Variants in MYLK observed in about 807,000 individuals in gnomAD.
The protein encoded by MYLK is myosin light chain kinase.
Under a neutral mutation model 203.4 loss-of-function variants are expected in MYLK, and 106 were observed. The ratio of observed to expected loss-of-function variants is 0.52; its 90% confidence interval spans 0.45 to 0.61. MYLK has a LOEUF of 0.61. MYLK is among the 20% of genes least tolerant of loss of function. MYLK has a pLI of 0.00. For synonymous variants in MYLK, 867 were observed against 959.5 expected, an observed-to-expected ratio of 0.90 and a Z score of 1.78; for missense variants, 2,072 against 2,442.3, an observed-to-expected ratio of 0.85 and a Z score of 3.20.
chr3:123,793,859 G>A lies in MYLK; in HGVS notation c.-3-15C>T, dbSNP rs774980854. 6.8e-6 allele frequency: 11 copies of A among 1,613,970 alleles called. No individual in the cohort carries two copies. In the Admixed American group the frequency reaches 1.5e-4, roughly 22 times the overall value. The stretch of plus-strand genomic sequence containing the variant: ...TCCCCCATGGTCTGCAAAAAGGAAG[G>A]AAGAGGACAAGGTCAGATCAGACAA... On this transcript the variant is annotated splice_polypyrimidine_tract_variant and intron_variant, in intron 3 of 33. Transcript: ENST00000360304.
At chr3:123,715,824 T>C (rs1264899280) in intron 13 of MYLK, 3 of 152,200 alleles carry the variant, frequency 2.0e-5, no homozygotes, top group Non-Finnish European at 2.9e-5. Flanking sequence ...AAATTCTGAA[T>C]TTCTCCTTAT....
chr3:123,709,698 C>A (rs2061613770), intron 14 of MYLK, 58 bp downstream of exon 14: 1 of 1,607,036 alleles, frequency 6.2e-7, no homozygotes, highest in East Asian at 2.2e-5. Flanking sequence ...AGAGCAATAC[C>A]CATTGCAACC....
chr3:123,649,010 T>C lies in MYLK; in HGVS notation c.4376A>G (p.Lys1459Arg). The change falls in exon 26 of 34, where the codon AAA becomes AGA. Residue 1459 changes from lysine to arginine, a missense_variant. Lys to Arg is a conservative substitution (Grantham distance 26, BLOSUM62 2). Transcript: ENST00000360304. Reference sequence around the variant, plus strand: ...CTCAATGTCGTAGAAGTCAGATACTTTTTGTTCAGTATTGATTGTCACTGT... The same window carrying C: ...CTCAATGTCGTAGAAGTCAGATACTCTTTGTTCAGTATTGATTGTCACTGT... The part of the protein sequence containing the change: ...YRTVTINTEQ[K>R]VSDFYDIEER... 6.2e-7 allele frequency: 1 copy of C among 1,614,140 alleles called. No individual in the cohort carries two copies. The highest frequency in any genetic ancestry group is 8.5e-7 in the Non-Finnish European group (1 of 1,180,016).
Position 123,733,046 on chromosome 3 carries a change from T to TC in MYLK, c.1365dup (p.Arg456GlufsTer7), listed in dbSNP as rs747824819. 6.2e-7 allele frequency: 1 copy of TC among 1,614,090 alleles called. No individual in the cohort carries two copies. The highest frequency in any genetic ancestry group is 2.2e-5 in the East Asian group (1 of 44,860). ...TAAACCTCAATGCTGCCTTCCTGTC[T>TC]CCTCACGGGGGTGCCTTCCAGGAAC... On this transcript the variant is annotated frameshift_variant, in exon 11 of 34. Transcript: ENST00000360304. LOFTEE classifies it high-confidence loss of function.
chr3:123,642,431 A>G lies in MYLK; in HGVS notation c.4620-1927T>C, dbSNP rs377269698. 4.6e-5 allele frequency among the ~76,000 whole-genome samples: 7 copies of G among 152,340 alleles called. No individual in the cohort carries two copies. The highest frequency in any genetic ancestry group is 1.7e-4 in the African/African-American group (7 of 41,580). On this transcript the variant is annotated intron_variant, in intron 27 of 33. Coordinates refer to ENST00000360304, the MANE Select transcript of MYLK (RefSeq NM_053025.4). This position sits in a 1 kb window ranked among gnomAD's most constrained non-coding sequence, Gnocchi z 4.2. ...TCACTGACCCCTGCAGGAGAGAGAC[A>G]GGGATGCACTGTGGGGCCCAGCATA...
At chr3:123,861,501 G>A (rs1039442988) in intron 2 of MYLK, among the ~76,000 whole-genome samples, 1 of 152,254 alleles carries the variant, frequency 6.6e-6, no homozygotes, top group African/African-American at 2.4e-5. Context: ...TGTTGGAAGG[G>A]AGAAGGTACT....
rs2061563506 is a variant in MYLK at position 123,708,775 on chromosome 3, T to C, written c.2063A>G (p.Glu688Gly). 6.2e-7 allele frequency: 1 copy of C among 1,614,042 alleles called. No homozygotes were observed. The highest frequency in any genetic ancestry group is 1.3e-5 in the African/African-American group (1 of 74,910). ...CTCGCAGGTGTACGTGCCCGTGTCC[T>C]CCGGGAACACTTCCTGGATACAAAG... ...HSLCIQEVFP[E>G]DTGTYTCEAW... The change falls in exon 15 of 34, where the codon GAG becomes GGG. Residue 688 changes from glutamate to glycine, a missense_variant. Coordinates refer to ENST00000360304, the MANE Select transcript of MYLK (RefSeq NM_053025.4).
At chr3:123,857,863 G>A (rs962772094) in intron 2 of MYLK, among the ~76,000 whole-genome samples, 4 of 152,130 alleles carry the variant, frequency 2.6e-5, no homozygotes, top group African/African-American at 9.7e-5. Context: ...CCCTAACTAA[G>A]TTTTCAATCC....
Position 123,848,586 on chromosome 3 carries a change from T to G in MYLK, c.-126-16916A>C, listed in dbSNP as rs74465515. ...AATGACACAGTTCTAACCAATGACA[T>G]ATAAGTGAAAGTTATTACATAGGGC... On this transcript the variant is annotated intron_variant, in intron 2 of 33. Transcript: ENST00000360304. Among the ~76,000 whole-genome samples the G allele has an allele frequency of 3.7e-3, 564 of 152,278 alleles. 4 individuals carry two copies. Among genetic ancestry groups the G allele is most frequent in the South Asian group, 0.011 (54 of 4,830 alleles).
rs1576579710 is a variant in MYLK, at chr3:123,692,580, CA to C, written c.3565+154del. Among the ~76,000 whole-genome samples the C allele has an allele frequency of 2.0e-5, 3 of 152,236 alleles. No individual in the cohort carries two copies. In the East Asian group the frequency reaches 5.8e-4, roughly 29 times the overall value. ...TCCTTCCTGTCTCTTTTTCTTTTGG[CA>C]AAAGATATTCATTCATCCAAAATGA... On this transcript the variant is annotated intron_variant, in intron 19 of 33. Transcript: ENST00000360304.
chr3:123,760,987 T>A (rs2063516260), intron 4 of MYLK, among the ~76,000 whole-genome samples: 1 of 152,214 alleles, frequency 6.6e-6, no homozygotes, highest in Admixed American at 6.5e-5. Context: ...CCTCACTGAC[T>A]AATGCAGCCC....
rs1223751623 is a variant in MYLK at position 123,666,284 on chromosome 3, C to T, written c.3766G>A (p.Glu1256Lys). 6 of 1,614,230 alleles carry T rather than the reference C, an allele frequency of 3.7e-6. No individual in the cohort carries two copies. Among genetic ancestry groups the T allele is most frequent in the Non-Finnish European group, 5.1e-6 (6 of 1,180,048 alleles). ...DQKVRAGESV[E>K]LFGKVTGTQP... is the part of the protein sequence containing the mutation. ...GTGCCTGTCACTTTGCCAAACAGCT[C>T]CACTGACTCTCCTGCGCGTACCTTC... The change falls in exon 22 of 34, where the codon GAG (glutamate) becomes AAG (lysine). Residue 1256 changes from glutamate (E) to lysine (K), a missense_variant. Physicochemically the swap from Glu to Lys is moderately conservative, Grantham distance 56. Coordinates refer to ENST00000360304, the MANE Select transcript of MYLK (RefSeq NM_053025.4).
At chr3:123,624,189 G>A (rs1423184230) in intron 31 of MYLK, 1 of 152,094 alleles carries the variant, frequency 6.6e-6, no homozygotes. Flanking sequence ...AGCCGGTCTG[G>A]TGGCATATGC....
Position 123,676,056 on chromosome 3 carries a change from C to T in MYLK, c.3652+6168G>A, listed in dbSNP as rs539405389. Reference sequence around the variant, plus strand: ...CCCAAACCCCCAGGACACAGAGCATCAGGATGGTTGTGAAAGAGGTGTGCT... The same window carrying T: ...CCCAAACCCCCAGGACACAGAGCATTAGGATGGTTGTGAAAGAGGTGTGCT... On this transcript the variant is annotated intron_variant, in intron 20 of 33. Coordinates refer to ENST00000360304, the MANE Select transcript of MYLK (RefSeq NM_053025.4). Among the ~76,000 whole-genome samples, 59 of 152,360 alleles carry T rather than the reference C, an allele frequency of 3.9e-4. 1 individual carries two copies. The South Asian group carries it at 7.5e-3, about 19-fold the overall frequency.
chr3:123,823,240 T>C (rs1577070246), intron 3 of MYLK, among the ~76,000 whole-genome samples: 2 of 152,324 alleles, frequency 1.3e-5, no homozygotes, highest in South Asian at 4.1e-4. Flanking sequence ...AATCCAGTCC[T>C]GTGGTTTTAT....
chr3:123,807,584 C>T (rs1468936097), intron 3 of MYLK, among the ~76,000 whole-genome samples: 1 of 152,182 alleles, frequency 6.6e-6, no homozygotes, highest in Non-Finnish European at 1.5e-5. Context: ...CAATCCCTTG[C>T]CCAGGGAAAA....
intron 3 of MYLK, among the ~76,000 whole-genome samples, chr3:123,828,119 T>C (rs2066195974): frequency 6.6e-6 from 1 of 152,046 alleles, no homozygotes; most frequent in South Asian, 2.1e-4. Flanking sequence ...AAACTTTGTA[T>C]GGAACAATGA....
chr3:123,854,131 T>A (rs1420140038), intron 2 of MYLK, among the ~76,000 whole-genome samples: 1 of 149,470 alleles, frequency 6.7e-6, no homozygotes, highest in Non-Finnish European at 1.5e-5. Context: ...TCCTAGATCA[T>A]CTAGTCGCCG....
Position 123,856,576 on chromosome 3 carries a change from C to T in MYLK, c.-127+19983G>A, listed in dbSNP as rs144030111. On this transcript the variant is annotated intron_variant, in intron 2 of 33. Transcript: ENST00000360304. ...TATGTATTACAGTGCATTTTATATACGTTCCTAATCTTCACATCAGCTACT... is the reference window on the plus strand; with the variant it reads ...TATGTATTACAGTGCATTTTATATATGTTCCTAATCTTCACATCAGCTACT... 6.3e-3 allele frequency among the ~76,000 whole-genome samples: 964 copies of T among 152,226 alleles called. 3 individuals carry two copies. Among genetic ancestry groups the T allele is most frequent in the Admixed American group, 0.011 (175 of 15,282 alleles).
Sources: gnomAD v4.1 joint callset for allele counts (sites outside exome capture counted in the v4.1 genomes callset) on GRCh38, gnomAD v4.1.1 for gene constraint, Gnocchi (gnomAD v3.1) non-coding constraint, MANE v1.5 for transcripts, NCBI Gene and HGNC (gene_info 2026-07-23, HGNC 2026-07-21) for gene names.